The following ANKS1B variants were observed in gnomAD, a reference collection of about 807,000 sequenced individuals.
ANKS1B encodes ankyrin repeat and sterile alpha motif domain containing 1B.
Under a neutral mutation model 148.3 loss-of-function variants are expected in ANKS1B, and 36 were observed. That is an observed-to-expected ratio of 0.24 (90% CI 0.19 to 0.32). The LOEUF (loss-of-function observed/expected upper bound fraction) is 0.32, where lower values mean the gene tolerates loss of function less well. ANKS1B is among the 10% of genes least tolerant of loss of function. The pLI, the probability that ANKS1B is intolerant of heterozygous loss-of-function variation, is 1.00. For missense variants in ANKS1B, 1,157 were observed against 1,542.6 expected (o/e 0.75, Z 4.19); for synonymous variants, 542 against 560.8 (o/e 0.97, Z 0.47).
At position 99,588,251 on chromosome 12, in the gene ANKS1B, A is replaced by G. The variant is rs1407249538; in HGVS notation, c.1272+66816T>C. 2.0e-5 allele frequency among the ~76,000 whole-genome samples: 3 copies of G among 152,180 alleles called. No homozygotes were observed. The East Asian group carries it at 5.8e-4, about 29-fold the overall frequency. On this transcript the variant is annotated intron_variant, in intron 9 of 26. Transcript: ENST00000683438. ...GAATTAATAAACTGTCTGGTTATTC[A>G]ATATAAATTCACTTGATTTATACCA... is the stretch of plus-strand genomic sequence containing the variant.
intron 1 of ANKS1B, among the ~76,000 whole-genome samples, chr12:99,912,341 G>A (rs138989185): frequency 1.3e-4 from 18 of 143,754 alleles, no homozygotes; most frequent in Non-Finnish European, 2.4e-4. Flanking sequence ...ACTACCTAAT[G>A]GTTTCCCAAT....
intron 9 of ANKS1B, among the ~76,000 whole-genome samples, chr12:99,602,501 G>C (rs1005829926): frequency 1.3e-5 from 2 of 152,198 alleles, no homozygotes; most frequent in Admixed American, 6.5e-5. Context: ...ATCCAATTGA[G>C]ACAATTTCTA....
intron 12 of ANKS1B, among the ~76,000 whole-genome samples, chr12:99,259,567 G>C (rs1454881439): frequency 1.3e-5 from 2 of 152,192 alleles, no homozygotes; most frequent in Non-Finnish European, 2.9e-5. Context: ...CTCAATACAG[G>C]AGAGAGGCTA....
intron 12 of ANKS1B, among the ~76,000 whole-genome samples, chr12:99,377,396 C>A (rs1363240814): frequency 3.3e-5 from 5 of 152,102 alleles, no homozygotes; most frequent in African/African-American, 1.2e-4. Flanking sequence ...TTTTGTGGGG[C>A]TAGCAGTATC....
At chr12:99,084,857 C>A in intron 16 of ANKS1B, 68 bp downstream of exon 16, 1 of 1,255,578 alleles carries the variant, frequency 8.0e-7, no homozygotes, top group Non-Finnish European at 1.1e-6. Context: ...ACAAATACTC[C>A]TTGCATGCCT....
chr12:99,787,942 G>A (rs2065181604), intron 4 of ANKS1B, among the ~76,000 whole-genome samples: 1 of 152,210 alleles, frequency 6.6e-6, no homozygotes, highest in Non-Finnish European at 1.5e-5. Context: ...CACCAGCCCA[G>A]CCAGAAGGGA....
At chr12:99,043,167 G>A (rs1390540472) in intron 17 of ANKS1B, among the ~76,000 whole-genome samples, 12 of 152,002 alleles carry the variant, frequency 7.9e-5, no homozygotes, top group African/African-American at 2.9e-4. Context: ...CATGTTTTAA[G>A]GTAGCTATTC....
chr12:99,787,217 G>A (rs189901737), intron 4 of ANKS1B, among the ~76,000 whole-genome samples: 6 of 152,148 alleles, frequency 3.9e-5, no homozygotes, highest in East Asian at 1.9e-4. Context: ...GGGAGAGACC[G>A]GCTGGGAGGT....
chr12:99,297,203 AAAAT>A (rs1489143666), intron 12 of ANKS1B, among the ~76,000 whole-genome samples: 2 of 152,228 alleles, frequency 1.3e-5, no homozygotes, highest in African/African-American at 4.8e-5. Context: ...TATTTAATTA[AAAAT>A]AAATACTAGT....
intron 17 of ANKS1B, among the ~76,000 whole-genome samples, chr12:98,974,504 C>A (rs756236719): frequency 1.3e-5 from 2 of 152,096 alleles, no homozygotes; most frequent in Non-Finnish European, 2.9e-5. Flanking sequence ...CCAAGCCCAA[C>A]CTAGTGTAGA....
At chr12:99,073,917 G>A (rs2047030128) in intron 16 of ANKS1B, among the ~76,000 whole-genome samples, 1 of 152,132 alleles carries the variant, frequency 6.6e-6, no homozygotes, top group Non-Finnish European at 1.5e-5. Context: ...CAGTTACTAA[G>A]GAGCAATCTT....
At chr12:98,762,593 G>A (rs914977632) in intron 25 of ANKS1B, among the ~76,000 whole-genome samples, 1 of 152,160 alleles carries the variant, frequency 6.6e-6, no homozygotes, top group East Asian at 1.9e-4. Context: ...CAATACATGC[G>A]TTTGCCATCT....
intron 17 of ANKS1B, among the ~76,000 whole-genome samples, chr12:98,880,442 G>C (rs991557133): frequency 6.6e-6 from 1 of 152,120 alleles, no homozygotes; most frequent in African/African-American, 2.4e-5. Flanking sequence ...AACTTAACTG[G>C]AATGCATAAG....
chr12:99,682,252 T>A (rs1172994351), intron 8 of ANKS1B, among the ~76,000 whole-genome samples: 1 of 152,174 alleles, frequency 6.6e-6, no homozygotes, highest in African/African-American at 2.4e-5. Flanking sequence ...TATCCTATAA[T>A]AAATGGACTT....
intron 15 of ANKS1B, among the ~76,000 whole-genome samples, chr12:99,121,066 C>CCCTATATG (rs1317852609): frequency 1.3e-5 from 2 of 151,828 alleles, no homozygotes; most frequent in Non-Finnish European, 2.9e-5. Context: ...AAGAGGATAA[C>CCCTATATG]CCTATATGCC....
rs189714335 is a variant in ANKS1B, at chr12:99,375,354, G to T, written c.1756+24277C>A. Among the ~76,000 whole-genome samples, 541 of 152,272 alleles carry T rather than the reference G, an allele frequency of 3.6e-3. 2 individuals carry two copies. Among genetic ancestry groups the T allele is most frequent in the Middle Eastern group, 6.8e-3 (2 of 294 alleles). On this transcript the variant is annotated intron_variant, in intron 12 of 26. Coordinates refer to ENST00000683438, the MANE Select transcript of ANKS1B (RefSeq NM_001352186.2). ...CCACTGGTGTATATCATTGCTATAA[G>T]GGCATTGGTTTTTAAACCTGACAAA...
At position 99,466,664 on chromosome 12, in the gene ANKS1B, T is replaced by A. The variant is rs539085923; in HGVS notation, c.1439-22855A>T. On this transcript the variant is annotated intron_variant, in intron 10 of 26. Coordinates refer to ENST00000683438, the MANE Select transcript of ANKS1B (RefSeq NM_001352186.2). ...CATCAGAGAATACTACAAACACCTC[T>A]ATGCAAATAAACTAGAAAATCTAGA... 3.5e-3 allele frequency among the ~76,000 whole-genome samples: 531 copies of A among 151,772 alleles called. 6 individuals are homozygous for A. The highest frequency in any genetic ancestry group is 0.017 in the Middle Eastern group (5 of 294).
chr12:99,612,168 G>A (rs2097908338), intron 9 of ANKS1B, among the ~76,000 whole-genome samples: 1 of 152,044 alleles, frequency 6.6e-6, no homozygotes, highest in Admixed American at 6.6e-5. Flanking sequence ...GACATGTACG[G>A]GTTCAGAGAC....
Position 99,883,567 on chromosome 12 carries a change from T to C in ANKS1B, c.135-58178A>G, listed in dbSNP as rs1006483068. 2.3e-4 allele frequency among the ~76,000 whole-genome samples: 35 copies of C among 150,988 alleles called. 1 individual carries two copies. Among genetic ancestry groups the C allele is most frequent in the Non-Finnish European group, 1.0e-4 (7 of 67,714 alleles). On this transcript the variant is annotated intron_variant, in intron 1 of 26. Coordinates refer to ENST00000683438, the MANE Select transcript of ANKS1B (RefSeq NM_001352186.2). ...CATCATCAAAATAAAACTCTTGCTC[T>C]GCCAAAGACCCTGTAAAGACCATGA...
Sources: allele counts gnomAD v4.1 joint callset (sites outside exome capture counted in the v4.1 genomes callset), GRCh38; gene constraint gnomAD v4.1.1; transcripts MANE v1.5; gene names NCBI Gene and HGNC (gene_info 2026-07-23, HGNC 2026-07-21).